Variants in CDKAL1 observed in about 807,000 individuals in gnomAD.
CDKAL1 encodes threonylcarbamoyladenosine tRNA methylthiotransferase.
Under a neutral mutation model 68.2 loss-of-function variants are expected in CDKAL1, and 32 were observed. The ratio of observed to expected loss-of-function variants is 0.47; its 90% confidence interval spans 0.35 to 0.63. The LOEUF (loss-of-function observed/expected upper bound fraction) is 0.63, where lower values mean the gene tolerates loss of function less well. CDKAL1 is among the 30% of genes least tolerant of loss of function. The pLI is 0.00. For synonymous variants in CDKAL1, 234 were observed against 244.3 expected, an observed-to-expected ratio of 0.96 and a Z score of 0.39; for missense variants, 606 against 696.7, an observed-to-expected ratio of 0.87 and a Z score of 1.47.
intron 4 of CDKAL1, among the ~76,000 whole-genome samples, chr6:20,630,216 C>T (rs1767614320): frequency 6.6e-6 from 1 of 152,104 alleles, no homozygotes; most frequent in African/African-American, 2.4e-5. Flanking sequence ...TCTTTGTGGC[C>T]AGCCCAGCCC....
At chr6:20,829,189 G>A (rs1045614863) in intron 8 of CDKAL1, among the ~76,000 whole-genome samples, 1 of 152,174 alleles carries the variant, frequency 6.6e-6, no homozygotes, top group African/African-American at 2.4e-5. Context: ...GTTCTTTTGT[G>A]AATTTCACTA....
chr6:20,797,938 C>T (rs1208919068), intron 8 of CDKAL1, among the ~76,000 whole-genome samples: 1 of 151,392 alleles, frequency 6.6e-6, no homozygotes, highest in African/African-American at 2.4e-5. Flanking sequence ...CACCTCAGCC[C>T]CCGGAGTAGC....
intron 8 of CDKAL1, among the ~76,000 whole-genome samples, chr6:20,828,679 G>A (rs1777596203): frequency 6.6e-6 from 1 of 152,168 alleles, no homozygotes; most frequent in African/African-American, 2.4e-5. Flanking sequence ...TAACCAGTCT[G>A]TCGTTCTTGT....
chr6:20,858,572 A>G (rs1352486578), intron 9 of CDKAL1, among the ~76,000 whole-genome samples: 1 of 152,194 alleles, frequency 6.6e-6, no homozygotes, highest in Non-Finnish European at 1.5e-5. Context: ...GTTTTGGAAG[A>G]TAACTTTATT....
At chr6:20,715,045 T>C (rs1227497622) in intron 5 of CDKAL1, among the ~76,000 whole-genome samples, 1 of 152,236 alleles carries the variant, frequency 6.6e-6, no homozygotes, top group African/African-American at 2.4e-5. Context: ...TTATTCATTT[T>C]TCCCTGCCTG....
chr6:20,903,090 C>T (rs1365364749), intron 9 of CDKAL1, among the ~76,000 whole-genome samples: 3 of 152,118 alleles, frequency 2.0e-5, no homozygotes, highest in African/African-American at 7.2e-5. Flanking sequence ...AGCATATCTG[C>T]TTGCCAGGCC....
intron 4 of CDKAL1, among the ~76,000 whole-genome samples, chr6:20,620,695 T>C (rs1767150616): frequency 6.6e-6 from 1 of 152,142 alleles, no homozygotes; most frequent in Admixed American, 6.6e-5. Context: ...ACACCGAATT[T>C]TTTTTTTTTC....
intron 9 of CDKAL1, among the ~76,000 whole-genome samples, chr6:20,857,480 A>T (rs192452900): frequency 6.2e-4 from 94 of 152,156 alleles, no homozygotes; most frequent in South Asian, 1.9e-3. Flanking sequence ...GATTTTAAAC[A>T]CCTCCATCTT....
chr6:20,682,397 G>A (rs1461676720), intron 5 of CDKAL1, among the ~76,000 whole-genome samples: 3 of 152,148 alleles, frequency 2.0e-5, no homozygotes, highest in African/African-American at 7.2e-5. Context: ...ATGGTGAAAC[G>A]AGGTTTAATT....
intron 11 of CDKAL1, among the ~76,000 whole-genome samples, chr6:21,016,265 A>T (rs937551754): frequency 6.6e-6 from 1 of 152,020 alleles, no homozygotes; most frequent in Non-Finnish European, 1.5e-5. Context: ...AAGCACAGAG[A>T]GCTTGAAGTT....
intron 4 of CDKAL1, among the ~76,000 whole-genome samples, chr6:20,598,019 C>T (rs1221622934): frequency 3.3e-5 from 5 of 152,172 alleles, no homozygotes; most frequent in Admixed American, 6.5e-5. Context: ...TCTCTTTTAT[C>T]TCCTGTTATT....
chr6:21,118,816 G>A (rs1176203713), intron 13 of CDKAL1, among the ~76,000 whole-genome samples: 1 of 152,156 alleles, frequency 6.6e-6, no homozygotes, highest in East Asian at 1.9e-4. Context: ...ACTCAACTTT[G>A]TTTGAATTTA....
chr6:20,869,089 T>C (rs193198586), intron 9 of CDKAL1, among the ~76,000 whole-genome samples: 8 of 152,328 alleles, frequency 5.3e-5, no homozygotes, highest in East Asian at 1.9e-4. Flanking sequence ...CTGGGCTACA[T>C]TGACTTTGAA....
intron 11 of CDKAL1, among the ~76,000 whole-genome samples, chr6:21,039,479 C>T (rs1004732639): frequency 6.6e-6 from 1 of 152,050 alleles, no homozygotes; most frequent in African/African-American, 2.4e-5. Context: ...GGAGAATGGG[C>T]GAGCCATCAT....
chr6:20,632,011 A>G (rs958882337), intron 4 of CDKAL1, among the ~76,000 whole-genome samples: 2 of 152,248 alleles, frequency 1.3e-5, no homozygotes, highest in Non-Finnish European at 2.9e-5. Context: ...CTGTTAAATG[A>G]AAACATTTTA....
intron 5 of CDKAL1, among the ~76,000 whole-genome samples, chr6:20,680,972 G>A (rs775870046): frequency 4.6e-5 from 7 of 152,100 alleles, no homozygotes; most frequent in Non-Finnish European, 1.0e-4. Context: ...ACACTTATTG[G>A]CATCAAAGAT....
Position 20,983,387 on chromosome 6 carries a change from T to C in CDKAL1, c.910-16840T>C, listed in dbSNP as rs75093779. On this transcript the variant is annotated intron_variant, in intron 10 of 15. Transcript: ENST00000274695. Reference sequence around the variant, plus strand: ...AAATTATGAAAATTAAAAATTACCTTTGACATATATAATATTACATGTATT... The same window carrying C: ...AAATTATGAAAATTAAAAATTACCTCTGACATATATAATATTACATGTATT... Among the ~76,000 whole-genome samples, 105 of 152,316 alleles carry C rather than the reference T, an allele frequency of 6.9e-4. No homozygotes were observed. The East Asian group carries it at 7.9e-3, about 11-fold the overall frequency.
At chr6:20,555,057 G>A (rs564976498) in intron 4 of CDKAL1, among the ~76,000 whole-genome samples, 1 of 152,290 alleles carries the variant, frequency 6.6e-6, no homozygotes, top group Non-Finnish European at 1.5e-5. Context: ...CTTTGTATAT[G>A]TGTTTATAGT....
At chr6:21,121,087 G>A (rs958381024) in intron 13 of CDKAL1, among the ~76,000 whole-genome samples, 4 of 152,074 alleles carry the variant, frequency 2.6e-5, no homozygotes, top group Admixed American at 2.6e-4. Flanking sequence ...GTAAGACAGC[G>A]CTTGTTTCCC....
Sources: allele counts gnomAD v4.1 joint callset (sites outside exome capture counted in the v4.1 genomes callset), GRCh38; gene constraint gnomAD v4.1.1; transcripts MANE v1.5; gene names NCBI Gene and HGNC (gene_info 2026-07-23, HGNC 2026-07-21).